Variants in PLCB1 observed in about 807,000 individuals in gnomAD.
PLCB1 encodes phospholipase C beta 1.
PLCB1 carries 46 observed loss-of-function variants against 161.8 expected under a neutral mutation model. The ratio of observed to expected loss-of-function variants is 0.28; its 90% CI spans 0.22 to 0.36. The LOEUF (loss-of-function observed/expected upper bound fraction) is 0.36, where lower values mean the gene tolerates loss of function less well. Among genes scored for constraint, PLCB1 ranks in the 10% least tolerant of loss-of-function variants. The pLI, the probability that PLCB1 is intolerant of heterozygous loss-of-function variation, is 1.00. For synonymous variants in PLCB1, 517 were observed against 503.7 expected (o/e 1.03, Z -0.35); for missense variants, 1,016 against 1,472.5 (o/e 0.69, Z 5.07).
At chr20:8,685,549 C>A (rs1433812892) in intron 10 of PLCB1, among the ~76,000 whole-genome samples, 3 of 142,932 alleles carry the variant, frequency 2.1e-5, no homozygotes, top group Non-Finnish European at 4.6e-5. Context: ...TATGGCGAAA[C>A]CCCTGTCTCT....
At position 8,199,221 on chromosome 20, in the gene PLCB1, A is replaced by G. The variant is rs2052063286; in HGVS notation, c.177+48850A>G. Among the ~76,000 whole-genome samples, 5 of 152,074 alleles carry G rather than the reference A, an allele frequency of 3.3e-5. No individual in the cohort carries two copies. The South Asian group carries it at 1.0e-3, about 32-fold the overall frequency. The stretch of plus-strand genomic sequence containing the variant: ...CTGTGGATGATCTGTACCTGATTTA[A>G]AAGGTCTCACATTGATGGAAATTTC... On this transcript the variant is annotated intron_variant, in intron 2 of 31. Transcript: ENST00000338037.
At chr20:8,600,289 C>G (rs1987506578) in intron 3 of PLCB1, among the ~76,000 whole-genome samples, 5 of 111,870 alleles carry the variant, frequency 4.5e-5, no homozygotes, top group African/African-American at 1.5e-4. Context: ...GTGTGGATGT[C>G]CTTTCTGTTT....
At chr20:8,829,593 T>C (rs1299416701) in intron 31 of PLCB1, among the ~76,000 whole-genome samples, 1 of 152,224 alleles carries the variant, frequency 6.6e-6, no homozygotes, top group East Asian at 1.9e-4. Flanking sequence ...CAGAATGCCC[T>C]GGCAATGCAC....
chr20:8,185,096 C>T (rs142775398), intron 2 of PLCB1, among the ~76,000 whole-genome samples: 10,234 of 152,096 alleles, frequency 0.067, 441 homozygotes, highest in Middle Eastern at 0.16. Flanking sequence ...CCAGCTTCAT[C>T]CATGTCCCTG....
At chr20:8,434,268 A>G (rs945231135) in intron 3 of PLCB1, among the ~76,000 whole-genome samples, 14 of 151,798 alleles carry the variant, frequency 9.2e-5, no homozygotes, top group Admixed American at 9.2e-4. Context: ...TCATTCCTAT[A>G]AAGTTTTATT....
chr20:8,652,288 A>C (rs751083529), intron 7 of PLCB1: 7 of 152,160 alleles, frequency 4.6e-5, no homozygotes, highest in Non-Finnish European at 1.0e-4. Context: ...CTGAAGTTGG[A>C]GAAAACTTTA....
rs1986904312 is a variant in PLCB1, at chr20:8,371,551, G to A, written c.246+101G>A. On this transcript the variant is annotated intron_variant, in intron 3 of 31. Transcript: ENST00000338037. ...CCCAATTAAAAGTTTCTATGTTATAGATGTTGTAAAACACAATAGCCAGTA... is the reference window on the plus strand; with the variant it reads ...CCCAATTAAAAGTTTCTATGTTATAAATGTTGTAAAACACAATAGCCAGTA... 3.2e-5 allele frequency: 25 copies of A among 777,440 alleles called. No homozygotes were observed. In the South Asian group the frequency reaches 4.3e-4, roughly 13 times the overall value. The allele number at this position is 777,440 out of a possible 1,614,324, so 48.2% of individuals were successfully genotyped here.
At chr20:8,845,038 C>T (rs1010287958) in intron 31 of PLCB1, among the ~76,000 whole-genome samples, 9 of 151,908 alleles carry the variant, frequency 5.9e-5, no homozygotes, top group Non-Finnish European at 1.2e-4. Flanking sequence ...GGTGTGAACC[C>T]GGGATGGGGA....
chr20:8,147,550 A>G (rs2051465941), intron 1 of PLCB1, among the ~76,000 whole-genome samples: 1 of 152,212 alleles, frequency 6.6e-6, no homozygotes, highest in Non-Finnish European at 1.5e-5. Context: ...AGATACTAGC[A>G]GCTATGTGGG....
intron 1 of PLCB1, among the ~76,000 whole-genome samples, chr20:8,133,925 G>A (rs944571938): frequency 3.3e-5 from 5 of 152,168 alleles, no homozygotes; most frequent in Admixed American, 1.3e-4. Flanking sequence ...TCCAGTGTCT[G>A]AAAACAATTT....
At position 8,883,711 on chromosome 20, in the gene PLCB1, T is replaced by C. The variant is rs1988075991; in HGVS notation, c.*1862T>C. ...AGTGTTTGATTAAAAAAAACACATC[T>C]AGTAAGACGTAAGGGGAAAATCACA... On this transcript the variant is annotated 3_prime_UTR_variant, in exon 32 of 32. Transcript: ENST00000338037. 1 of 152,496 alleles carries C rather than the reference T, an allele frequency of 6.6e-6. No individual in the cohort carries two copies. Among genetic ancestry groups the C allele is most frequent in the African/African-American group, 2.4e-5 (1 of 41,440 alleles). 9.4% of individuals were successfully genotyped at this position (152,496 alleles called of 1,614,324 possible). A position where few individuals can be genotyped will look rare whatever the true frequency, so the allele number is the denominator to read the frequency against.
At chr20:8,229,438 T>C (rs565969137) in intron 2 of PLCB1, among the ~76,000 whole-genome samples, 3 of 152,274 alleles carry the variant, frequency 2.0e-5, no homozygotes, top group African/African-American at 4.8e-5. Context: ...AGCACTGATA[T>C]AGATCCACAG....
chr20:8,701,608 C>T (rs996665718), intron 11 of PLCB1, among the ~76,000 whole-genome samples: 5 of 152,156 alleles, frequency 3.3e-5, no homozygotes, highest in East Asian at 1.9e-4. Context: ...TCCTATGTTC[C>T]TTGTTTATTG....
intron 3 of PLCB1, among the ~76,000 whole-genome samples, chr20:8,599,166 C>T (rs1167382980): frequency 0.025 from 2,271 of 91,022 alleles, no homozygotes; most frequent in South Asian, 0.039. Flanking sequence ...TTATTTTGCT[C>T]GTTAGTTGAT....
intron 3 of PLCB1, among the ~76,000 whole-genome samples, chr20:8,603,554 G>C (rs541333863): frequency 1.3e-5 from 2 of 152,344 alleles, no homozygotes; most frequent in South Asian, 4.1e-4. Flanking sequence ...TCACAGATCA[G>C]TGTTTCTCTC....
chr20:8,380,125 T>C (rs556856557), intron 3 of PLCB1, among the ~76,000 whole-genome samples: 103 of 152,342 alleles, frequency 6.8e-4, no homozygotes, highest in Middle Eastern at 3.4e-3. Flanking sequence ...TTAATCCATC[T>C]TGAGTTAATT....
At chr20:8,595,698 C>G (rs1307336462) in intron 3 of PLCB1, among the ~76,000 whole-genome samples, 1 of 150,412 alleles carries the variant, frequency 6.6e-6, no homozygotes, top group Non-Finnish European at 1.5e-5. Flanking sequence ...AACGGTTGAA[C>G]TAGTTTACAG....
chr20:8,809,873 C>T (rs1051820811), intron 31 of PLCB1, among the ~76,000 whole-genome samples: 9 of 152,130 alleles, frequency 5.9e-5, no homozygotes, highest in African/African-American at 2.2e-4. Flanking sequence ...GCATTGACAA[C>T]ATTTTTCTAG....
chr20:8,575,378 C>T (rs1364880330), intron 3 of PLCB1, among the ~76,000 whole-genome samples: 3 of 152,266 alleles, frequency 2.0e-5, no homozygotes, highest in East Asian at 1.9e-4. Context: ...TTCCCTTCAC[C>T]GTGGAAGATT....
Sources: allele counts gnomAD v4.1 joint callset (sites outside exome capture counted in the v4.1 genomes callset), GRCh38; gene constraint gnomAD v4.1.1; transcripts MANE v1.5; gene names NCBI Gene and HGNC (gene_info 2026-07-23, HGNC 2026-07-21).